The following STK32B variants were observed in gnomAD, a reference collection of about 807,000 sequenced individuals.
STK32B encodes serine/threonine kinase 32B.
Under a neutral mutation model 52.6 loss-of-function variants are expected in STK32B, and 43 were observed. The observed-to-expected ratio is 0.82, with a 90% CI of 0.64 to 1.05. The LOEUF is 1.05. STK32B is among the 50% of genes least tolerant of loss of function. The pLI is 0.00. For missense variants in STK32B, 621 were observed against 534.6 expected (o/e 1.16, Z -1.59); for synonymous variants, 238 against 204.3 (o/e 1.17, Z -1.41).
intron 2 of STK32B, among the ~76,000 whole-genome samples, chr4:5,159,191 G>A (rs527318400): frequency 6.6e-6 from 1 of 152,298 alleles, no homozygotes; most frequent in East Asian, 1.9e-4. Context: ...GCTTACCAAG[G>A]GGGTGCCCCA....
intron 4 of STK32B, among the ~76,000 whole-genome samples, chr4:5,355,953 G>A (rs1023551833): frequency 6.6e-6 from 1 of 152,138 alleles, no homozygotes; most frequent in African/African-American, 2.4e-5. Context: ...ATTCTGCTGA[G>A]CTAGTTAGGA....
chr4:5,173,981 G>A (rs1355190850), intron 3 of STK32B, among the ~76,000 whole-genome samples: 5 of 152,122 alleles, frequency 3.3e-5, no homozygotes, highest in African/African-American at 1.2e-4. Flanking sequence ...TATAAATCTG[G>A]GTGCTCCTGT....
chr4:5,451,430 AGGTAATG>A (rs1284690311), intron 7 of STK32B, among the ~76,000 whole-genome samples: 6 of 152,188 alleles, frequency 3.9e-5, no homozygotes, highest in African/African-American at 1.4e-4. Flanking sequence ...TTTACTCTGT[AGGTAATG>A]TGGTACTATC....
intron 6 of STK32B, among the ~76,000 whole-genome samples, chr4:5,445,248 G>C (rs1331052116): frequency 6.6e-6 from 1 of 152,190 alleles, no homozygotes; most frequent in East Asian, 1.9e-4. Context: ...AGATTCAAGT[G>C]TGTAGCTGCC....
intron 1 of STK32B, among the ~76,000 whole-genome samples, chr4:5,114,632 C>G (rs185094885): frequency 6.6e-6 from 1 of 152,190 alleles, no homozygotes; most frequent in Non-Finnish European, 1.5e-5. Context: ...AAGGGAGTCT[C>G]GAGTAGAGAC....
intron 3 of STK32B, among the ~76,000 whole-genome samples, chr4:5,207,648 T>A (rs1470997506): frequency 2.0e-5 from 3 of 151,756 alleles, no homozygotes; most frequent in Non-Finnish European, 4.4e-5. Context: ...GGGAAAATAT[T>A]ATTTTCTCAA....
At chr4:5,389,181 C>T (rs554068906) in intron 4 of STK32B, among the ~76,000 whole-genome samples, 54 of 152,302 alleles carry the variant, frequency 3.5e-4, no homozygotes, top group Admixed American at 5.2e-4. Context: ...AATTAAGTCA[C>T]GGATCTCTAA....
chr4:5,347,171 G>T (rs74349389), intron 4 of STK32B, among the ~76,000 whole-genome samples: 2 of 152,268 alleles, frequency 1.3e-5, no homozygotes, highest in Admixed American at 1.3e-4. Flanking sequence ...ACCAAATGCA[G>T]CTCATTTGTC....
intron 1 of STK32B, among the ~76,000 whole-genome samples, chr4:5,133,124 T>C (rs1302049406): frequency 2.6e-5 from 4 of 152,250 alleles, no homozygotes; most frequent in Non-Finnish European, 4.4e-5. Context: ...TGCCATTGAA[T>C]TGCAGATTTG....
intron 6 of STK32B, among the ~76,000 whole-genome samples, chr4:5,443,117 C>A (rs1714960326): frequency 6.6e-6 from 1 of 150,976 alleles, no homozygotes; most frequent in Non-Finnish European, 1.5e-5. Context: ...ATCTTGGTGG[C>A]ATTCTCTGTA....
chr4:5,106,506 AATAG>A (rs1357399936), intron 1 of STK32B, among the ~76,000 whole-genome samples: 1 of 152,178 alleles, frequency 6.6e-6, no homozygotes, highest in East Asian at 1.9e-4. Flanking sequence ...ACCTACTTGG[AATAG>A]ATTTTTGCAG....
At chr4:5,365,111 G>T (rs552417240) in intron 4 of STK32B, among the ~76,000 whole-genome samples, 1 of 152,000 alleles carries the variant, frequency 6.6e-6, no homozygotes, top group African/African-American at 2.4e-5. Context: ...CCTGACCTCA[G>T]GTGATCCACC....
intron 3 of STK32B, among the ~76,000 whole-genome samples, chr4:5,246,104 A>G (rs1434028638): frequency 6.6e-6 from 1 of 152,032 alleles, no homozygotes; most frequent in Admixed American, 6.5e-5. Flanking sequence ...TATTTCCTGA[A>G]TTTGAATGTT....
At position 5,474,038 on chromosome 4, in the gene STK32B, C is replaced by T. The variant is rs189246177; in HGVS notation, c.1106+5968C>T. Among the ~76,000 whole-genome samples the T allele has an allele frequency of 8.7e-4, 132 of 152,066 alleles. No homozygotes were observed. In the Middle Eastern group the frequency reaches 0.01, roughly 12 times the overall value. ...CTAAGTCAGGAGAATCACTTGAACC[C>T]GGGAGGCAGAAGTTGCAGTGAGCCA... On this transcript the variant is annotated intron_variant, in intron 11 of 11. Transcript: ENST00000282908.
intron 1 of STK32B, among the ~76,000 whole-genome samples, chr4:5,074,707 CT>C (rs1346877790): frequency 6.6e-6 from 1 of 152,022 alleles, no homozygotes; most frequent in Non-Finnish European, 1.5e-5. Flanking sequence ...ATTCAATGAA[CT>C]TTTTATTTCA....
chr4:5,246,685 C>T (rs1290497627), intron 3 of STK32B, among the ~76,000 whole-genome samples: 12 of 152,128 alleles, frequency 7.9e-5, no homozygotes, highest in Non-Finnish European at 1.6e-4. Flanking sequence ...TGCTCTGTGT[C>T]TTCCCTATCT....
rs751322995 is a variant in STK32B at position 5,333,653 on chromosome 4, A to G, written c.434+2260A>G. Among the ~76,000 whole-genome samples, 55 of 152,320 alleles carry G rather than the reference A, an allele frequency of 3.6e-4. No individual in the cohort carries two copies. The Middle Eastern group carries it at 0.014, about 38-fold the overall frequency. ...TAATCCTTTTTGAATTAATTTTTGT[A>G]TAAGGTGTAAGGAAGGGATCCAGTT... On this transcript the variant is annotated intron_variant, in intron 4 of 11. Coordinates refer to ENST00000282908, the MANE Select transcript of STK32B (RefSeq NM_018401.3).
chr4:5,245,637 C>T (rs1725390070), intron 3 of STK32B, among the ~76,000 whole-genome samples: 1 of 151,772 alleles, frequency 6.6e-6, no homozygotes, highest in South Asian at 2.1e-4. Flanking sequence ...GGTTATTTTG[C>T]TCGTTAGTTG....
chr4:5,465,176 G>A (rs1181722721), intron 9 of STK32B, among the ~76,000 whole-genome samples: 2 of 152,150 alleles, frequency 1.3e-5, no homozygotes, highest in African/African-American at 2.4e-5. Context: ...ATTAGCCCAC[G>A]AATGACACAG....
Sources: gnomAD v4.1 joint callset for allele counts (sites outside exome capture counted in the v4.1 genomes callset) on GRCh38, gnomAD v4.1.1 for gene constraint, MANE v1.5 for transcripts, NCBI Gene and HGNC (gene_info 2026-07-23, HGNC 2026-07-21) for gene names.